TAMM41: variants seen among roughly 807,000 people sequenced by gnomAD.
TAMM41 encodes TAM41 mitochondrial translocator assembly and maintenance homolog, also known as phosphatidate cytidylyltransferase, mitochondrial.
In TAMM41, 36 loss-of-function variants were observed where a neutral mutation model predicts 44.1. That is an observed-to-expected ratio of 0.82 (90% CI 0.63 to 1.08). The LOEUF (loss-of-function observed/expected upper bound fraction) is 1.08. TAMM41 is among the 50% of genes least tolerant of loss of function. The pLI, the probability that TAMM41 is intolerant of heterozygous loss-of-function variation, is 0.00. For synonymous variants in TAMM41, 164 were observed against 153.1 expected (o/e 1.07, Z -0.53); for missense variants, 417 against 404.3 (o/e 1.03, Z -0.27).
the TAMM41 span, among the ~76,000 whole-genome samples, chr3:11,783,644 C>A: frequency 6.6e-6 from 1 of 152,284 alleles, no homozygotes; most frequent in South Asian, 2.1e-4. Context: ...TTCATAACTC[C>A]AAGAGACAGT....
the TAMM41 span, among the ~76,000 whole-genome samples, chr3:11,741,494 A>T: frequency 6.7e-6 from 1 of 149,302 alleles, no homozygotes; most frequent in Non-Finnish European, 1.5e-5. Context: ...ACATCCCAAG[A>T]CCCCCAGAGG....
At chr3:11,779,218 G>A in the TAMM41 span, among the ~76,000 whole-genome samples, 1 of 152,184 alleles carries the variant, frequency 6.6e-6, no homozygotes, top group East Asian at 1.9e-4. Flanking sequence ...AGTGGGGGCA[G>A]CGTGAGGCCC....
intron 7 of TAMM41, among the ~76,000 whole-genome samples, chr3:11,792,124 T>TA (rs2077494495): frequency 6.6e-6 from 1 of 152,086 alleles, no homozygotes; most frequent in South Asian, 2.1e-4. Flanking sequence ...TCCTGGATCT[T>TA]AAACATTTAA....
chr3:11,814,484 T>C (rs2078209364), intron 5 of TAMM41, among the ~76,000 whole-genome samples: 1 of 151,024 alleles, frequency 6.6e-6, no homozygotes, highest in African/African-American at 2.4e-5. Context: ...TAAAGCTAAA[T>C]TTAATAAACG....
intron 2 of TAMM41, among the ~76,000 whole-genome samples, chr3:11,841,060 T>A (rs2079411709): frequency 6.7e-6 from 1 of 149,326 alleles, no homozygotes; most frequent in Non-Finnish European, 1.5e-5. Context: ...AAATTATAGT[T>A]CAGCCCATTT....
the TAMM41 span, among the ~76,000 whole-genome samples, chr3:11,772,254 T>TTTTGTATTTTTAGTA: frequency 6.6e-6 from 1 of 150,734 alleles, no homozygotes; most frequent in Non-Finnish European, 1.5e-5. Flanking sequence ...TTTTTTTTTT[T>TTTTGTATTTTTAGTA]GTAGTTTTAG....
the TAMM41 span, among the ~76,000 whole-genome samples, chr3:11,777,573 C>A: frequency 1.3e-5 from 2 of 152,190 alleles, no homozygotes; most frequent in Non-Finnish European, 2.9e-5. Flanking sequence ...GCAGGTGGAT[C>A]ATTTGCGATC....
At chr3:11,817,417 T>A in intron 4 of TAMM41, 80 bp from the exon 5 acceptor site, 1 of 1,426,490 alleles carries the variant, frequency 7.0e-7, no homozygotes, top group Non-Finnish European at 9.5e-7. Context: ...CCCACACTGA[T>A]ACCGCACGGG....
At chr3:11,833,711 G>A (rs913117316) in intron 3 of TAMM41, among the ~76,000 whole-genome samples, 1 of 152,098 alleles carries the variant, frequency 6.6e-6, no homozygotes, top group Non-Finnish European at 1.5e-5. Context: ...CATTTCAAAC[G>A]CTAGCGGCCC....
At chr3:11,824,212 A>AG (rs1329703892) in intron 4 of TAMM41, among the ~76,000 whole-genome samples, 1 of 148,974 alleles carries the variant, frequency 6.7e-6, no homozygotes, top group African/African-American at 2.5e-5. Context: ...TTTTTTTTAG[A>AG]CAGAGTCTCA....
At chr3:11,832,844 C>T (rs985081814) in intron 3 of TAMM41, among the ~76,000 whole-genome samples, 1 of 152,174 alleles carries the variant, frequency 6.6e-6, no homozygotes, top group Admixed American at 6.5e-5. Flanking sequence ...TTTTGAGATG[C>T]TAACAATTCA....
At chr3:11,754,889 A>G in the TAMM41 span, among the ~76,000 whole-genome samples, 492 of 151,848 alleles carry the variant, frequency 3.2e-3, 4 homozygotes, top group African/African-American at 0.011. Context: ...TAGTAGAGAC[A>G]GGGTTTCACC....
intron 4 of TAMM41, among the ~76,000 whole-genome samples, 155 bp from the exon 5 acceptor site, chr3:11,817,492 C>T (rs947536083): frequency 6.6e-6 from 1 of 152,156 alleles, no homozygotes; most frequent in African/African-American, 2.4e-5. Flanking sequence ...GACACTTTAC[C>T]CCAAGAAATG....
chr3:11,783,477 C>T, the TAMM41 span, among the ~76,000 whole-genome samples: 6 of 152,350 alleles, frequency 3.9e-5, 1 homozygote, highest in South Asian at 1.2e-3. Context: ...CCAGGGCAAG[C>T]AACCTGGAGA....
In TAMM41 at chr3:11,821,966, A is replaced by C. The variant is rs145891181; in HGVS notation, c.563-4629T>G. On this transcript the variant is annotated intron_variant, in intron 4 of 7. Coordinates refer to ENST00000455809, the MANE Select transcript of TAMM41 (RefSeq NM_001284401.2). ...TGCAGTGAGTCGCACATATTATTAA[A>C]AATATCATATAAAATCACTTTCAGG... Among the ~76,000 whole-genome samples the C allele has an allele frequency of 1.5e-3, 232 of 152,364 alleles. 1 individual carries two copies. The highest frequency in any genetic ancestry group is 3.0e-3 in the Non-Finnish European group (201 of 68,040).
downstream of TAMM41, among the ~76,000 whole-genome samples, chr3:11,789,121 G>C (rs1012089265): frequency 6.6e-6 from 1 of 152,204 alleles, no homozygotes; most frequent in Non-Finnish European, 1.5e-5. Flanking sequence ...GAAGAGGTCT[G>C]TAATGTTATT....
At chr3:11,822,021 A>G (rs987938252) in intron 4 of TAMM41, among the ~76,000 whole-genome samples, 1 of 152,162 alleles carries the variant, frequency 6.6e-6, no homozygotes, top group African/African-American at 2.4e-5. Flanking sequence ...ATGAAACATA[A>G]ATGAACTTCG....
At chr3:11,841,070 TCTA>T (rs141150083) in intron 2 of TAMM41, among the ~76,000 whole-genome samples, 8 of 132,922 alleles carry the variant, frequency 6.0e-5, no homozygotes, top group Non-Finnish European at 1.1e-4. Flanking sequence ...TCAGCCCATT[TCTA>T]TTTTTTTTTT....
rs1156555980 is a variant in TAMM41 at position 11,804,996 on chromosome 3, CTTTTTTTTTTTTTTTT to C, written c.937+2821_937+2836del. ...CGGGCGCGCACCACCACGCCCAGCC[CTTTTTTTTTTTTTTTT>C]TTTTTTTTTTTTGAGACGAAGTCTC... On this transcript the variant is annotated intron_variant, in intron 7 of 7. Coordinates refer to ENST00000455809, the MANE Select transcript of TAMM41 (RefSeq NM_001284401.2). Among the ~76,000 whole-genome samples the C allele has an allele frequency of 1.6e-3, 160 of 103,064 alleles. 2 individuals carry two copies. The highest frequency in any genetic ancestry group is 0.011 in the Middle Eastern group (2 of 182). 67.6% of individuals were successfully genotyped at this position (103,064 alleles called of 152,430 possible). A position where few individuals can be genotyped will look rare whatever the true frequency, so the allele number is the denominator to read the frequency against.
Sources: allele counts gnomAD v4.1 joint callset (sites outside exome capture counted in the v4.1 genomes callset), GRCh38; gene constraint gnomAD v4.1.1; transcripts MANE v1.5; gene names NCBI Gene and HGNC (gene_info 2026-07-23, HGNC 2026-07-21).